The following MAGI2 variants were observed in gnomAD, a reference collection of about 807,000 sequenced individuals.
The protein encoded by MAGI2 is membrane-associated guanylate kinase, WW and PDZ domain-containing protein 2.
MAGI2 carries 35 observed loss-of-function variants against 133.3 expected under a neutral mutation model. The observed-to-expected ratio is 0.26, with a 90% confidence interval of 0.20 to 0.35. MAGI2 has a LOEUF of 0.35. Ranked by LOEUF, MAGI2 falls within the 10% of genes least tolerant of loss-of-function variation. The pLI, the probability that MAGI2 is intolerant of heterozygous loss-of-function variation, is 1.00. For synonymous variants in MAGI2, 729 were observed against 710.6 expected (o/e 1.03, Z -0.41); for missense variants, 1,636 against 1,863.4 (o/e 0.88, Z 2.25).
intron 2 of MAGI2, among the ~76,000 whole-genome samples, chr7:78,958,990 G>A (rs774419164): frequency 6.6e-6 from 1 of 152,088 alleles, no homozygotes; most frequent in Non-Finnish European, 1.5e-5. Context: ...ACACGGTGGG[G>A]TGCCTCTGAG....
chr7:79,452,241 C>T (rs1849328473), intron 1 of MAGI2, among the ~76,000 whole-genome samples: 1 of 152,180 alleles, frequency 6.6e-6, no homozygotes, highest in Non-Finnish European at 1.5e-5. Flanking sequence ...GACAACCATT[C>T]ATCTCCTCCG....
In MAGI2 at chr7:78,625,664, C is replaced by T. The variant is rs568574108; in HGVS notation, c.538+1456G>A. Reference sequence around the variant, plus strand: ...CACTCTGGGCTCACCCGCTAATGGACTCACCCAGAGCAACTTACAGTCCTG... The same window carrying T: ...CACTCTGGGCTCACCCGCTAATGGATTCACCCAGAGCAACTTACAGTCCTG... On this transcript the variant is annotated intron_variant, in intron 3 of 21. Transcript: ENST00000354212. Among the ~76,000 whole-genome samples, 4 of 152,300 alleles carry T rather than the reference C, an allele frequency of 2.6e-5. No homozygotes were observed. In the South Asian group the frequency reaches 8.3e-4, roughly 32 times the overall value.
chr7:79,348,651 C>T lies in MAGI2; in HGVS notation c.301+104369G>A, dbSNP rs183653313. 2.5e-4 allele frequency among the ~76,000 whole-genome samples: 38 copies of T among 151,544 alleles called. 1 individual carries two copies. The highest frequency in any genetic ancestry group is 2.5e-3 in the South Asian group (12 of 4,814). Reference sequence around the variant, plus strand: ...TCTAAGTTTCTACAAATCAAAAAGACGAGTTTTCTGCTTTTTTTTTTCTGG... The same window carrying T: ...TCTAAGTTTCTACAAATCAAAAAGATGAGTTTTCTGCTTTTTTTTTTCTGG... On this transcript the variant is annotated intron_variant, in intron 1 of 21. Coordinates refer to ENST00000354212, the MANE Select transcript of MAGI2 (RefSeq NM_012301.4).
intron 5 of MAGI2, among the ~76,000 whole-genome samples, chr7:78,491,863 C>T (rs1351190391): frequency 5.2e-5 from 7 of 134,942 alleles, no homozygotes; most frequent in East Asian, 2.2e-4. Flanking sequence ...GACATGCCTC[C>T]GTTCAAATTG....
At chr7:78,259,438 T>C (rs560535502) in intron 9 of MAGI2, among the ~76,000 whole-genome samples, 6 of 152,312 alleles carry the variant, frequency 3.9e-5, no homozygotes, top group Admixed American at 2.6e-4. Context: ...CAACTTATTG[T>C]TCCATGGGAA....
chr7:78,894,919 G>A (rs1453995159), intron 2 of MAGI2, among the ~76,000 whole-genome samples: 2 of 152,080 alleles, frequency 1.3e-5, no homozygotes, highest in East Asian at 1.9e-4. Flanking sequence ...CTTTGAAACA[G>A]AGATCTTAAG....
intron 2 of MAGI2, among the ~76,000 whole-genome samples, chr7:78,950,969 CTTTTT>C (rs761908445): frequency 8.0e-6 from 1 of 125,642 alleles, no homozygotes; most frequent in African/African-American, 3.0e-5. Context: ...CTAACGTTAG[CTTTTT>C]TTTTTTTTTT....
intron 3 of MAGI2, among the ~76,000 whole-genome samples, chr7:78,547,601 G>A (rs548617385): frequency 6.6e-6 from 1 of 152,348 alleles, no homozygotes; most frequent in East Asian, 1.9e-4. Context: ...CAAGCTCAGG[G>A]TGTAAAGGAG....
At chr7:78,965,872 C>T (rs1332599606) in intron 2 of MAGI2, among the ~76,000 whole-genome samples, 3 of 152,062 alleles carry the variant, frequency 2.0e-5, no homozygotes, top group Admixed American at 6.6e-5. Flanking sequence ...CATGACATTT[C>T]AGTTCACCTA....
intron 2 of MAGI2, among the ~76,000 whole-genome samples, chr7:78,708,126 G>T (rs992787708): frequency 1.3e-5 from 2 of 152,044 alleles, no homozygotes; most frequent in Non-Finnish European, 2.9e-5. Context: ...GGACTGACAA[G>T]GCTTAAAGTT....
At chr7:79,003,164 T>C (rs1562774008) in intron 2 of MAGI2, among the ~76,000 whole-genome samples, 1 of 151,978 alleles carries the variant, frequency 6.6e-6, no homozygotes, top group African/African-American at 2.4e-5. Context: ...CACAACTAGA[T>C]TGACTGAGTA....
chr7:78,562,006 T>C lies in MAGI2; in HGVS notation c.539-40361A>G, dbSNP rs141920465. Among the ~76,000 whole-genome samples the C allele has an allele frequency of 1.6e-3, 249 of 152,194 alleles. 1 individual carries two copies. The highest frequency in any genetic ancestry group is 2.0e-3 in the Non-Finnish European group (134 of 68,004). ...CACACCTGCTCCCCTCTCTGGGAAG[T>C]AGTAATGACCATGATGAAGTTTGTG... On this transcript the variant is annotated intron_variant, in intron 3 of 21. Transcript: ENST00000354212.
At chr7:79,002,124 T>G (rs1461692306) in intron 2 of MAGI2, among the ~76,000 whole-genome samples, 2 of 131,488 alleles carry the variant, frequency 1.5e-5, no homozygotes, top group African/African-American at 5.6e-5. Context: ...GGCTTCTTCT[T>G]CTTCTTCTTC....
Position 78,294,454 on chromosome 7 carries a change from G to T in MAGI2, c.1409-37873C>A, listed in dbSNP as rs565246147. Among the ~76,000 whole-genome samples, 23 of 143,294 alleles carry T rather than the reference G, an allele frequency of 1.6e-4. No homozygotes were observed. In the South Asian group the frequency reaches 4.7e-3, roughly 30 times the overall value. 94.0% of individuals were successfully genotyped at this position (143,294 alleles called of 152,430 possible). ...TTTTTAATACTTTGGAACTCTAAAG[G>T]TCTTAACTCTGTTCTGTGTTTCTTT... On this transcript the variant is annotated intron_variant, in intron 9 of 21. Coordinates refer to ENST00000354212, the MANE Select transcript of MAGI2 (RefSeq NM_012301.4).
At chr7:78,958,117 C>G (rs773578555) in intron 2 of MAGI2, among the ~76,000 whole-genome samples, 1 of 152,138 alleles carries the variant, frequency 6.6e-6, no homozygotes, top group Non-Finnish European at 1.5e-5. Context: ...AGTGTGTTAT[C>G]TTCTTTGAAG....
rs142014134 is a variant in MAGI2, at chr7:79,192,857, T to C, written c.302-185651A>G. Among the ~76,000 whole-genome samples, 529 of 151,848 alleles carry C rather than the reference T, an allele frequency of 3.5e-3. 9 individuals carry two copies. Among genetic ancestry groups the C allele is most frequent in the African/African-American group, 0.012 (513 of 41,242 alleles). ...TTTATATTTTTACAATCTCACTCTG[T>C]CTCTTTGAGAACAATATGTTGGGGG... is the stretch of plus-strand genomic sequence containing the variant. On this transcript the variant is annotated intron_variant, in intron 1 of 21. Transcript: ENST00000354212.
At position 78,330,349 on chromosome 7, in the gene MAGI2, G is replaced by A. The variant is rs1189244277; in HGVS notation, c.1408+13429C>T. ...AGATTCCTTCACGGCCGGGCGCGGT[G>A]GCTCACGCCTGTAATCCCAGCACTT... On this transcript the variant is annotated intron_variant, in intron 9 of 21. Coordinates refer to ENST00000354212, the MANE Select transcript of MAGI2 (RefSeq NM_012301.4). Among the ~76,000 whole-genome samples the A allele has an allele frequency of 5.4e-5, 2 of 36,912 alleles. 1 individual carries two copies. The highest frequency in any genetic ancestry group is 7.0e-4 in the East Asian group (2 of 2,844). The allele number at this position is 36,912 out of a possible 152,430, so 24.2% of individuals were successfully genotyped here.
At chr7:78,256,705 GAAT>G in intron 9 of MAGI2, 124 bp from the exon 10 acceptor site, 2 of 762,686 alleles carry the variant, frequency 2.6e-6, no homozygotes, top group Non-Finnish European at 4.2e-6. Flanking sequence ...AAATCAATTA[GAAT>G]AATACTTAAA....
At chr7:78,949,389 T>C (rs1329554341) in intron 2 of MAGI2, among the ~76,000 whole-genome samples, 1 of 152,138 alleles carries the variant, frequency 6.6e-6, no homozygotes, top group Non-Finnish European at 1.5e-5. Flanking sequence ...TGGTAAAAAG[T>C]CTTGGCCTGC....
Sources: allele counts gnomAD v4.1 joint callset (sites outside exome capture counted in the v4.1 genomes callset), GRCh38; gene constraint gnomAD v4.1.1; transcripts MANE v1.5; gene names NCBI Gene and HGNC (gene_info 2026-07-23, HGNC 2026-07-21).